ANKLE2: variants seen among roughly 807,000 people sequenced by gnomAD.
ANKLE2 encodes the protein ankyrin repeat and LEM domain containing 2, also known as ankyrin repeat and LEM domain-containing protein 2.
In ANKLE2, 55 loss-of-function variants were observed where a neutral mutation model predicts 84.2. That is an observed-to-expected ratio of 0.65 (90% CI 0.53 to 0.82). The LOEUF (loss-of-function observed/expected upper bound fraction) is 0.82, where lower values mean the gene tolerates loss of function less well. Ranked by LOEUF, ANKLE2 falls within the 40% of genes least tolerant of loss-of-function variation. The pLI is 0.00. For missense variants in ANKLE2, 1,238 were observed against 1,201.9 expected (o/e 1.03, Z -0.44); for synonymous variants, 551 against 486.1 (o/e 1.13, Z -1.76).
At position 132,727,429 on chromosome 12, in the gene ANKLE2, G is replaced by T. The variant is rs751482426; in HGVS notation, c.2630C>A (p.Ala877Glu). 57 of 1,555,874 alleles carry T rather than the reference G, an allele frequency of 3.7e-5. No homozygotes were observed. Among genetic ancestry groups the T allele is most frequent in the Non-Finnish European group, 4.4e-5 (51 of 1,149,746 alleles). ...CTGAGACTTGAACCTTCCTTTCACC[G>T]CGGGACTGGGCCAACTGCGGAAAGC... The part of the protein sequence containing the change: ...PSDRQSWPSP[A>E]VKGRFKSQLP... The change falls in exon 13 of 13, where the codon GCG becomes GAG. Residue 877 changes from alanine (A) to glutamate (E), a missense_variant. Ala to Glu is a moderately radical substitution (Grantham distance 107). Around this residue, in one of 3 missense-constraint regions of ANKLE2, gnomAD observed 802 missense variants for 774.5 expected, o/e 1.04. Coordinates refer to ENST00000357997, the MANE Select transcript of ANKLE2 (RefSeq NM_015114.3).
chr12:132,743,214 A>C lies in ANKLE2; in HGVS notation c.1293T>G (p.Leu431=). Residue 431 remains leucine (L), a synonymous_variant, in exon 6 of 13, where the codon CTT becomes CTG. Transcript: ENST00000357997. The surrounding 1 kb of genome is among the most constrained non-coding windows in gnomAD (Gnocchi z 4.1). ...TTTTTACAATCAAATGGTGTGACGAAAGCACGTTGACTACATCTGCATTTC... is the reference window on the plus strand; with the variant it reads ...TTTTTACAATCAAATGGTGTGACGACAGCACGTTGACTACATCTGCATTTC... ...KFGNADVVNV[L]SSHHLIVKNS... is the part of the protein sequence containing the mutation. The C allele has an allele frequency of 6.2e-7, 1 of 1,612,498 alleles. No homozygotes were observed. The highest frequency in any genetic ancestry group is 8.5e-7 in the Non-Finnish European group (1 of 1,179,292).
At position 132,743,621 on chromosome 12, in the gene ANKLE2, T is replaced by C. The variant is rs1468465286; in HGVS notation, c.1231-345A>G. On this transcript the variant is annotated intron_variant, in intron 5 of 12. Coordinates refer to ENST00000357997, the MANE Select transcript of ANKLE2 (RefSeq NM_015114.3). This position sits in a 1 kb window ranked among gnomAD's most constrained non-coding sequence, Gnocchi z 4.1. ...GCCTTTGCCTCCCAAAGTGCTGGGA[T>C]TACAGGTGTGAGTCACCGAGCCTGG... is the stretch of plus-strand genomic sequence containing the variant. 6.6e-6 allele frequency among the ~76,000 whole-genome samples: 1 copy of C among 151,400 alleles called. No individual in the cohort carries two copies.
chr12:132,741,581 TA>T lies in ANKLE2; in HGVS notation c.1354-97del, dbSNP rs2044124329. ...AAAAATAGTTTTAAACTCAGTAAAGTAGAATAGTATCTTAATGCTAAAGATT... is the reference window on the plus strand; with the variant it reads ...AAAAATAGTTTTAAACTCAGTAAAGTGAATAGTATCTTAATGCTAAAGATT... On this transcript the variant is annotated intron_variant, in intron 6 of 12. Transcript: ENST00000357997. 3 of 1,141,222 alleles carry T rather than the reference TA, an allele frequency of 2.6e-6. No homozygotes were observed. The East Asian group carries it at 7.3e-5, about 28-fold the overall frequency. 70.7% of individuals were successfully genotyped at this position (1,141,222 alleles called of 1,614,324 possible). A position where few individuals can be genotyped will look rare whatever the true frequency, so the allele number is the denominator to read the frequency against.
Position 132,733,970 on chromosome 12 carries a change from C to A in ANKLE2, c.1891+415G>T, listed in dbSNP as rs1201949848. 6.5e-6 allele frequency: 3 copies of A among 458,176 alleles called. No individual in the cohort carries two copies. In the East Asian group the frequency reaches 2.1e-4, roughly 32 times the overall value. 28.4% of individuals were successfully genotyped at this position (458,176 alleles called of 1,614,324 possible). ...GCCATTATTTTTCATGTACCCTCCC[C>A]GACACACAACCCATTTAACATTAAC... is the stretch of plus-strand genomic sequence containing the variant. On this transcript the variant is annotated intron_variant, in intron 10 of 12. Transcript: ENST00000357997.
At chr12:132,735,364 C>A (rs540721650) in intron 9 of ANKLE2, 42 bp downstream of exon 9, 1 of 1,563,584 alleles carries the variant, frequency 6.4e-7, no homozygotes, top group East Asian at 2.2e-5. Flanking sequence ...AAAATGCAAC[C>A]AACTGTGTGC....
At chr12:132,761,513 A>T in intron 1 of ANKLE2, 105 bp downstream of exon 1, 1 of 1,011,088 alleles carries the variant, frequency 9.9e-7, no homozygotes, top group Non-Finnish European at 1.3e-6. Context: ...GCCTCGCCCA[A>T]CTGCTGCCGG....
At chr12:132,751,116 A>C (rs1217451488) in intron 2 of ANKLE2, 1 of 310,526 alleles carries the variant, frequency 3.2e-6, no homozygotes, top group East Asian at 5.3e-5. Context: ...CTAAAAACTA[A>C]ATTTCATATA....
At chr12:132,727,763 C>T (rs1033930442) in intron 12 of ANKLE2, among the ~76,000 whole-genome samples, 17 of 152,132 alleles carry the variant, frequency 1.1e-4, no homozygotes, top group Non-Finnish European at 2.2e-4. Flanking sequence ...TGGGGGTTTC[C>T]CGGAGAATCC....
chr12:132,751,409 T>C (rs78147079), intron 2 of ANKLE2: 5,203 of 150,232 alleles, frequency 0.035, 129 homozygotes, highest in East Asian at 0.085. Context: ...ATGCCTAATT[T>C]TTTGTATTTT....
intron 10 of ANKLE2, 55 bp downstream of exon 10, chr12:132,734,330 C>A (rs758275309): frequency 4.9e-5 from 78 of 1,585,584 alleles, no homozygotes; most frequent in Non-Finnish European, 6.3e-5. Context: ...TCCCGTCAGA[C>A]CCCGGCCATG....
rs762079853 is a variant in ANKLE2, at chr12:132,748,290, G to A, written c.889C>T (p.Arg297Ter). The change falls in exon 4 of 13, where the codon CGA becomes TGA. Residue 297 changes from arginine (R) to a stop codon, truncating the protein, a stop_gained. Coordinates refer to ENST00000357997, the MANE Select transcript of ANKLE2 (RefSeq NM_015114.3). LOFTEE classifies it high-confidence loss of function. ...LSESETVNKE[R>*]ANSYKNPRTQ... is the part of the protein sequence containing the mutation. The stretch of plus-strand genomic sequence containing the variant: ...CGGGGATTTTTGTAACTGTTCGCTC[G>A]CTCTTTGTTGACTGTTTCTGATTCC... 3.7e-6 allele frequency: 6 copies of A among 1,614,068 alleles called. No homozygotes were observed. The highest frequency in any genetic ancestry group is 2.2e-5 in the East Asian group (1 of 44,898).
rs915310139 is a variant in ANKLE2, at chr12:132,749,937, G to A, written c.847+706C>T. ...TCATCCCAGCACTTTGGGAGGCTGA[G>A]ATGGGAGGATCACTTGATGCCAGCA... On this transcript the variant is annotated intron_variant, in intron 3 of 12. Coordinates refer to ENST00000357997, the MANE Select transcript of ANKLE2 (RefSeq NM_015114.3). Among the ~76,000 whole-genome samples, 4 of 152,318 alleles carry A rather than the reference G, an allele frequency of 2.6e-5. No individual in the cohort carries two copies. In the South Asian group the frequency reaches 6.2e-4, roughly 24 times the overall value.
At position 132,730,123 on chromosome 12, in the gene ANKLE2, T is replaced by A; in HGVS notation, c.2039A>T (p.Glu680Val). ...GGCTTCTATGAGGTCTGCCTCCTGCTCCAAGGGGAAGGCGCTGCACCTCGT... is the reference window on the plus strand; with the variant it reads ...GGCTTCTATGAGGTCTGCCTCCTGCACCAAGGGGAAGGCGCTGCACCTCGT... Reference protein sequence around the residue: ...GHTRCSAFPLEQEADLIEAAE... With the variant: ...GHTRCSAFPLVQEADLIEAAE... Residue 680 changes from glutamate to valine, a missense_variant, in exon 11 of 13, where the codon GAG (glutamate) becomes GTG (valine). By Grantham distance (121) the Glu-to-Val change is moderately radical. This residue lies in a region of ANKLE2 where 802 missense variants were observed against 774.5 expected (regional missense o/e 1.04). Coordinates refer to ENST00000357997, the MANE Select transcript of ANKLE2 (RefSeq NM_015114.3). The A allele has an allele frequency of 6.2e-7, 1 of 1,612,474 alleles. No homozygotes were observed. The highest frequency in any genetic ancestry group is 8.5e-7 in the Non-Finnish European group (1 of 1,179,704).
chr12:132,741,095 C>T (rs956984364), intron 7 of ANKLE2, among the ~76,000 whole-genome samples: 2 of 152,192 alleles, frequency 1.3e-5, no homozygotes, highest in African/African-American at 4.8e-5. Context: ...GAGAAGCCAT[C>T]ACAATGAAGC....
Position 132,754,685 on chromosome 12 carries a change from T to G in ANKLE2, c.630A>C (p.Pro210=). The G allele has an allele frequency of 1.9e-6, 3 of 1,600,524 alleles. No homozygotes were observed. The highest frequency in any genetic ancestry group is 2.6e-6 in the Non-Finnish European group (3 of 1,171,370). ...YGVCPVYEDV[P]ARNERIYVYE... ...ACACGGTCCCATTACCATTTCTCGC[T>G]GGGACGTCCTCATACACTGGACACA... Residue 210 remains proline, a synonymous_variant, in exon 2 of 13, where the codon CCA becomes CCC. Transcript: ENST00000357997.
Position 132,750,780 on chromosome 12 carries a change from A to T in ANKLE2, c.710T>A (p.Phe237Tyr), listed in dbSNP as rs1200744735. The change falls in exon 3 of 13, where the codon TTT (phenylalanine) becomes TAT (tyrosine). Residue 237 changes from phenylalanine to tyrosine, a missense_variant. Phe to Tyr is a conservative substitution (Grantham distance 22). This residue lies in a region of ANKLE2 where 422 missense variants were observed against 394.5 expected (regional missense o/e 1.07). Transcript: ENST00000357997. The stretch of plus-strand genomic sequence containing the variant: ...GTCTTCTCTGGTAGAAAAAGCTTTA[A>T]ATCGGGACCCTTTGATCATCTTGAC... Reference protein sequence around the residue: ...QAVKMIKGSRFKAFSTREDAE... With the variant: ...QAVKMIKGSRYKAFSTREDAE... 1.2e-6 allele frequency: 2 copies of T among 1,614,106 alleles called. No individual in the cohort carries two copies. Among genetic ancestry groups the T allele is most frequent in the Non-Finnish European group, 1.7e-6 (2 of 1,180,060 alleles).
In ANKLE2 at chr12:132,733,470, G is replaced by A. The variant is rs1161068112; in HGVS notation, c.1891+915C>T. On this transcript the variant is annotated intron_variant, in intron 10 of 12. Transcript: ENST00000357997. The stretch of plus-strand genomic sequence containing the variant: ...CGTGCTGGTGTCTGATATACCCCGT[G>A]TGAAGCACTGCGCGTCCTGGTGTCT... Among the ~76,000 whole-genome samples, 3 of 147,858 alleles carry A rather than the reference G, an allele frequency of 2.0e-5. No homozygotes were observed. The South Asian group carries it at 6.5e-4, about 32-fold the overall frequency.
At chr12:132,730,762 CTG>C (rs929794314) in intron 10 of ANKLE2, 4 of 157,598 alleles carry the variant, frequency 2.5e-5, no homozygotes, top group African/African-American at 9.6e-5. Context: ...CTGCAGTGGG[CTG>C]TGACTGCACC....
intron 2 of ANKLE2, among the ~76,000 whole-genome samples, chr12:132,752,809 C>T (rs1401449974): frequency 6.6e-6 from 1 of 152,124 alleles, no homozygotes; most frequent in Non-Finnish European, 1.5e-5. Context: ...TTTCTGGCAT[C>T]CCAATTAATA....
Sources: allele counts gnomAD v4.1 joint callset (sites outside exome capture counted in the v4.1 genomes callset), GRCh38; gene constraint gnomAD v4.1.1; regional missense constraint gnomAD v4.1.1; non-coding constraint Gnocchi (gnomAD v3.1); transcripts MANE v1.5; gene names NCBI Gene and HGNC (gene_info 2026-07-23, HGNC 2026-07-21).